The following ESR1 variants were observed in gnomAD, a reference collection of about 807,000 sequenced individuals.
The protein encoded by ESR1 is estrogen receptor 1.
ESR1 carries 12 observed loss-of-function variants against 52.7 expected under a neutral mutation model. That is an observed-to-expected ratio of 0.23 (90% CI 0.15 to 0.37). The LOEUF is 0.37. ESR1 is among the 10% of genes least tolerant of loss of function. The pLI, the probability that ESR1 is intolerant of heterozygous loss-of-function variation, is 1.00. For missense variants in ESR1, 584 were observed against 779.7 expected (o/e 0.75, Z 2.99); for synonymous variants, 305 against 316.8 (o/e 0.96, Z 0.39).
intron 1 of ESR1, among the ~76,000 whole-genome samples, chr6:151,696,158 T>G (rs1779319222): frequency 6.6e-6 from 1 of 152,124 alleles, no homozygotes; most frequent in Non-Finnish European, 1.5e-5. Flanking sequence ...TCCTAGAGTC[T>G]CTATTCCCAG....
chr6:151,701,579 G>A (rs889616437), intron 1 of ESR1, among the ~76,000 whole-genome samples: 2 of 150,734 alleles, frequency 1.3e-5, no homozygotes, highest in African/African-American at 4.9e-5. Flanking sequence ...AAGTCATCCC[G>A]TGGGCCTGAG....
At chr6:151,955,157 A>C (rs1224596984) in intron 4 of ESR1, among the ~76,000 whole-genome samples, 2 of 152,134 alleles carry the variant, frequency 1.3e-5, no homozygotes, top group African/African-American at 4.8e-5. Flanking sequence ...CAGAATCTTT[A>C]GCATGACAGT....
chr6:152,128,482 A>G (rs929966593), exon 7 of ESR1: 1 of 152,228 alleles, frequency 6.6e-6, no homozygotes, highest in Non-Finnish European at 1.5e-5. Flanking sequence ...TAGGTTTAAA[A>G]TACTGTATGA....
chr6:151,760,868 C>T (rs117925708), intron 2 of ESR1, among the ~76,000 whole-genome samples: 1 of 152,040 alleles, frequency 6.6e-6, no homozygotes, highest in Non-Finnish European at 1.5e-5. Context: ...AATAATGGAT[C>T]GATTAAAGTT....
At chr6:151,938,002 A>G (rs997783884) in intron 3 of ESR1, among the ~76,000 whole-genome samples, 2 of 152,162 alleles carry the variant, frequency 1.3e-5, no homozygotes, top group African/African-American at 2.4e-5. Flanking sequence ...TATTGTCTTT[A>G]TTTCATTCTT....
chr6:151,744,386 G>A (rs978699504), intron 2 of ESR1, among the ~76,000 whole-genome samples: 1 of 152,148 alleles, frequency 6.6e-6, no homozygotes, highest in African/African-American at 2.4e-5. Context: ...ACCGACATTT[G>A]TTATTGTCTT....
At chr6:151,832,829 T>C (rs6937568) in intron 1 of ESR1, among the ~76,000 whole-genome samples, 11,197 of 152,226 alleles carry the variant, frequency 0.074, 725 homozygotes, top group African/African-American at 0.17. Context: ...AGGCATGCAA[T>C]AAGGAACACA....
chr6:152,118,317 T>A (rs1354838933), intron 6 of ESR1: 1 of 152,142 alleles, frequency 6.6e-6, no homozygotes, highest in African/African-American at 2.4e-5. Context: ...GGCCCACTGG[T>A]GACTGCTTTT....
At chr6:152,035,546 A>G (rs2045216450) in intron 5 of ESR1, among the ~76,000 whole-genome samples, 1 of 152,144 alleles carries the variant, frequency 6.6e-6, no homozygotes, top group Non-Finnish European at 1.5e-5. Flanking sequence ...TCCAATCAAT[A>G]TATTTAGCTC....
At chr6:151,712,323 G>T (rs1780677995) in intron 2 of ESR1, among the ~76,000 whole-genome samples, 1 of 152,132 alleles carries the variant, frequency 6.6e-6, no homozygotes, top group African/African-American at 2.4e-5. Context: ...TGGCTATACG[G>T]GCTTTTTTTT....
chr6:151,793,845 A>G (rs1187332076), intron 2 of ESR1, among the ~76,000 whole-genome samples: 2 of 152,244 alleles, frequency 1.3e-5, no homozygotes, highest in African/African-American at 2.4e-5. Flanking sequence ...TCAAAGTGAC[A>G]TATCCTGTAA....
At chr6:151,707,634 C>T (rs185434316) in intron 2 of ESR1, among the ~76,000 whole-genome samples, 1 of 152,106 alleles carries the variant, frequency 6.6e-6, no homozygotes, top group Admixed American at 6.5e-5. Context: ...CCATTTATTT[C>T]CTTAAGAGTA....
intron 5 of ESR1, among the ~76,000 whole-genome samples, chr6:152,052,572 C>T (rs997888102): frequency 8.5e-5 from 13 of 152,088 alleles, no homozygotes; most frequent in South Asian, 2.1e-4. Context: ...TGTAATGGCC[C>T]CACAAAGCCT....
intron 2 of ESR1, among the ~76,000 whole-genome samples, chr6:151,878,358 T>G (rs1256854882): frequency 6.6e-6 from 1 of 152,240 alleles, no homozygotes; most frequent in East Asian, 1.9e-4. Flanking sequence ...GGTCTTTTAC[T>G]GAAGTTACAG....
chr6:151,797,827 A>G (rs990323570), intron 2 of ESR1, among the ~76,000 whole-genome samples: 3 of 152,320 alleles, frequency 2.0e-5, no homozygotes, highest in South Asian at 2.1e-4. Context: ...GCATGGCGCT[A>G]TGTCCTCCCA....
intron 1 of ESR1, among the ~76,000 whole-genome samples, chr6:151,836,447 T>A (rs1031296289): frequency 2.0e-5 from 3 of 152,104 alleles, no homozygotes; most frequent in Admixed American, 1.3e-4. Flanking sequence ...TTCACTATCA[T>A]GAGAACAGCA....
intron 6 of ESR1, among the ~76,000 whole-genome samples, chr6:152,090,681 G>A (rs903979495): frequency 2.6e-5 from 4 of 152,226 alleles, no homozygotes; most frequent in Admixed American, 6.5e-5. Flanking sequence ...TTCCTCTGGG[G>A]TGGAGATGGA....
intron 4 of ESR1, among the ~76,000 whole-genome samples, chr6:152,001,868 G>T (rs930407327): frequency 6.6e-6 from 1 of 151,978 alleles, no homozygotes; most frequent in African/African-American, 2.4e-5. Context: ...CTGGAGGGAA[G>T]GGAGAAGTCT....
At chr6:151,846,639 TG>T (rs1474878547) in intron 2 of ESR1, among the ~76,000 whole-genome samples, 1 of 152,206 alleles carries the variant, frequency 6.6e-6, no homozygotes, top group Non-Finnish European at 1.5e-5. Flanking sequence ...GTAAAGTGTT[TG>T]GCTTGAAAGC....
Sources: gnomAD v4.1 joint callset for allele counts (sites outside exome capture counted in the v4.1 genomes callset) on GRCh38, gnomAD v4.1.1 for gene constraint, MANE v1.5 for transcripts, NCBI Gene and HGNC (gene_info 2026-07-23, HGNC 2026-07-21) for gene names.